The following MLC1 variants were observed in gnomAD, a reference collection of about 807,000 sequenced individuals.
MLC1 encodes membrane protein MLC1.
Under a neutral mutation model 44.7 loss-of-function variants are expected in MLC1, and 32 were observed. The observed-to-expected ratio is 0.72, with a 90% CI of 0.54 to 0.96. The LOEUF (loss-of-function observed/expected upper bound fraction) is 0.96. Ranked by LOEUF, MLC1 falls within the 40% of genes least tolerant of loss-of-function variation. MLC1 has a pLI of 0.00. For synonymous variants in MLC1, 190 were observed against 213.0 expected (o/e 0.89, Z 0.94); for missense variants, 459 against 492.2 (o/e 0.93, Z 0.64).
At chr22:50,067,756 T>C (rs2061744333) in intron 10 of MLC1, among the ~76,000 whole-genome samples, 2 of 99,720 alleles carry the variant, frequency 2.0e-5, no homozygotes, top group Non-Finnish European at 4.0e-5. Context: ...CATCCATCCA[T>C]CAGACAGTGA....
chr22:50,081,013 G>GAAAGAAAGAAAGAAAGAA, intron 3 of MLC1, among the ~76,000 whole-genome samples: 1 of 119,680 alleles, frequency 8.4e-6, no homozygotes, highest in South Asian at 2.9e-4. Flanking sequence ...CTCAAAAAAA[G>GAAAGAAAGAAAGAAAGAA]AAAGAAAGAA....
intron 11 of MLC1, among the ~76,000 whole-genome samples, chr22:50,062,936 G>A (rs1012253520): frequency 6.6e-6 from 1 of 152,202 alleles, no homozygotes; most frequent in Non-Finnish European, 1.5e-5. Context: ...CATTGTTCAG[G>A]CAGTGACAGC....
At chr22:50,082,920 C>T (rs191674214) in intron 3 of MLC1, among the ~76,000 whole-genome samples, 164 bp downstream of exon 3, 11 of 152,302 alleles carry the variant, frequency 7.2e-5, no homozygotes, top group Admixed American at 3.9e-4. Context: ...CCACCTCCAC[C>T]CCTCAAAGTG....
intron 8 of MLC1, among the ~76,000 whole-genome samples, chr22:50,073,258 CA>C: frequency 6.6e-6 from 1 of 152,348 alleles, no homozygotes. Flanking sequence ...CATAAGAGAG[CA>C]GGGGCAAAAT....
chr22:50,068,731 T>TTTC (rs1569244447), intron 9 of MLC1, among the ~76,000 whole-genome samples, 176 bp from the exon 10 acceptor site: 32 of 142,914 alleles, frequency 2.2e-4, no homozygotes, highest in South Asian at 4.6e-4. Context: ...TTTTCTTTTT[T>TTTC]TTTTTTTTTT....
At chr22:50,079,141 G>A (rs771255418) in intron 5 of MLC1, among the ~76,000 whole-genome samples, 5 of 151,942 alleles carry the variant, frequency 3.3e-5, no homozygotes, top group East Asian at 1.9e-4. Flanking sequence ...AAAATTAGCC[G>A]AGTGTGGTGG....
At chr22:50,063,921 G>C in intron 11 of MLC1, 113 bp downstream of exon 11, 2 of 1,185,900 alleles carry the variant, frequency 1.7e-6, no homozygotes, top group Middle Eastern at 2.7e-4. Context: ...CACCCCTGTG[G>C]GCCACTCACC....
At chr22:50,071,103 TTTC>T (rs1002288862) in intron 8 of MLC1, among the ~76,000 whole-genome samples, 4 of 150,092 alleles carry the variant, frequency 2.7e-5, no homozygotes, top group Non-Finnish European at 5.9e-5. Context: ...ATAATTTTTC[TTTC>T]TTCTTCTCCT....
In MLC1 at chr22:50,077,450, G is replaced by C; in HGVS notation, c.476C>G (p.Thr159Arg). The C allele has an allele frequency of 6.2e-7, 1 of 1,613,858 alleles. No homozygotes were observed. The highest frequency in any genetic ancestry group is 8.5e-7 in the Non-Finnish European group (1 of 1,180,024). ...GCTGGACCGTGCAGCGATGATCACC[G>C]TGGCCGCCATGAGCAGCTCCAGCAG... ...LLLLELLMAA[T>R]VIIAARSSEE... The change falls in exon 6 of 12, where the codon ACG (threonine) becomes AGG (arginine). Residue 159 changes from threonine to arginine, a missense_variant. Physicochemically the swap from Thr to Arg is moderately conservative, Grantham distance 71. Transcript: ENST00000311597.
At chr22:50,084,373 A>T (rs561788424) in intron 2 of MLC1, among the ~76,000 whole-genome samples, 1 of 152,048 alleles carries the variant, frequency 6.6e-6, no homozygotes, top group East Asian at 1.9e-4. Flanking sequence ...AAGGCCTGAG[A>T]CGCCTCCTCC....
chr22:50,075,348 G>A (rs2061954118), intron 7 of MLC1, among the ~76,000 whole-genome samples: 1 of 152,226 alleles, frequency 6.6e-6, no homozygotes, highest in African/African-American at 2.4e-5. Context: ...GCAAGGGCTT[G>A]GGGGCCGGAA....
At chr22:50,082,304 A>G (rs1252819839) in intron 3 of MLC1, among the ~76,000 whole-genome samples, 1 of 152,200 alleles carries the variant, frequency 6.6e-6, no homozygotes, top group Non-Finnish European at 1.5e-5. Flanking sequence ...GTCAGCCAGC[A>G]TGGTGCTCTA....
intron 1 of MLC1, 62 bp from the exon 2 acceptor site, chr22:50,085,023 G>A: frequency 6.6e-7 from 1 of 1,515,818 alleles, no homozygotes; most frequent in Non-Finnish European, 8.8e-7. Flanking sequence ...TTGTTTCCAA[G>A]AAATATTTTT....
intron 5 of MLC1, among the ~76,000 whole-genome samples, chr22:50,078,663 C>T (rs1360227286): frequency 2.0e-5 from 3 of 151,150 alleles, no homozygotes; most frequent in Admixed American, 1.3e-4. Context: ...TGCTTGAACC[C>T]GAGAGGCGGA....
chr22:50,068,399 T>A, intron 10 of MLC1, 34 bp downstream of exon 10: 4 of 1,608,930 alleles, frequency 2.5e-6, no homozygotes, highest in Non-Finnish European at 3.4e-6. Flanking sequence ...GAGCACCACA[T>A]GTCTGGGGGG....
rs2061562706 is a variant in MLC1 at position 50,061,718 on chromosome 22, A to G, written c.1060-61T>C. 3.4e-6 allele frequency: 5 copies of G among 1,475,040 alleles called. No homozygotes were observed. The Admixed American group carries it at 5.0e-5, about 15-fold the overall frequency. 91.4% of individuals were successfully genotyped at this position (1,475,040 alleles called of 1,614,324 possible). A position where few individuals can be genotyped will look rare whatever the true frequency, so the allele number is the denominator to read the frequency against. On this transcript the variant is annotated intron_variant, in intron 11 of 11. Coordinates refer to ENST00000311597, the MANE Select transcript of MLC1 (RefSeq NM_015166.4). ...GGCCACCTGTGCGGCGGGAAGGTGGACACGCCACTCGGCCACAGGCAGCGA... is the reference window on the plus strand; with the variant it reads ...GGCCACCTGTGCGGCGGGAAGGTGGGCACGCCACTCGGCCACAGGCAGCGA...
At position 50,074,293 on chromosome 22, in the gene MLC1, C is replaced by CA; in HGVS notation, c.636_637insT (p.Gly213TrpfsTer9). 1 of 1,614,144 alleles carries CA rather than the reference C, an allele frequency of 6.2e-7. No individual in the cohort carries two copies. Among genetic ancestry groups the CA allele is most frequent in the South Asian group, 1.1e-5 (1 of 91,074 alleles). ...TCATCCACGTTCAGGGCAATGATCC[C>CA]CCCGAGGACGGCAGAGATGCCTGCG... On this transcript the variant is annotated frameshift_variant, in exon 8 of 12. Coordinates refer to ENST00000311597, the MANE Select transcript of MLC1 (RefSeq NM_015166.4). LOFTEE classifies it high-confidence loss of function.
In MLC1 at chr22:50,076,911, C is replaced by T. The variant is rs2061995970; in HGVS notation, c.527G>A (p.Gly176Asp). 1 of 1,613,808 alleles carries T rather than the reference C, an allele frequency of 6.2e-7. No individual in the cohort carries two copies. The highest frequency in any genetic ancestry group is 8.5e-7 in the Non-Finnish European group (1 of 1,179,866). Reference protein sequence around the residue: ...SSEEDCKKKKGSMSDSANILD... With the variant: ...SSEEDCKKKKDSMSDSANILD... ...AATGTTGGCGCTGTCAGACATGGAGCCCTACGAAGAAACAGAACTGTCACC... is the reference window on the plus strand; with the variant it reads ...AATGTTGGCGCTGTCAGACATGGAGTCCTACGAAGAAACAGAACTGTCACC... Residue 176 changes from glycine (G) to aspartate (D), a missense_variant and splice_region_variant, in exon 7 of 12, where the codon GGC becomes GAC. Gly to Asp is a moderately conservative substitution (Grantham distance 94). Coordinates refer to ENST00000311597, the MANE Select transcript of MLC1 (RefSeq NM_015166.4).
At chr22:50,067,601 GCAGTGACTCCATCCCCCAT>G (rs1161381464) in intron 10 of MLC1, among the ~76,000 whole-genome samples, 1,274 of 54,856 alleles carry the variant, frequency 0.023, 80 homozygotes, top group East Asian at 0.061. Flanking sequence ...CCCCCGTCAG[GCAGTGACTCCATCCCCCAT>G]CAGTGACTCC....
Sources: gnomAD v4.1 joint callset for allele counts (sites outside exome capture counted in the v4.1 genomes callset) on GRCh38, gnomAD v4.1.1 for gene constraint, MANE v1.5 for transcripts, NCBI Gene and HGNC (gene_info 2026-07-23, HGNC 2026-07-21) for gene names.